The following GALNTL6 variants were observed in gnomAD, a reference collection of about 807,000 sequenced individuals.
GALNTL6 encodes polypeptide N-acetylgalactosaminyltransferase like 6.
Under a neutral mutation model 73.7 loss-of-function variants are expected in GALNTL6, and 46 were observed. The ratio of observed to expected loss-of-function variants is 0.62; its 90% confidence interval spans 0.49 to 0.80. The LOEUF (loss-of-function observed/expected upper bound fraction) is 0.80. Among genes scored for constraint, GALNTL6 ranks in the 30% least tolerant of loss-of-function variants. The pLI, the probability that GALNTL6 is intolerant of heterozygous loss-of-function variation, is 0.00. For synonymous variants in GALNTL6, 259 were observed against 263.7 expected, an observed-to-expected ratio of 0.98 and a Z score of 0.17; for missense variants, 604 against 755.0, an observed-to-expected ratio of 0.80 and a Z score of 2.34.
At chr4:172,404,409 C>T (rs1160033993) in intron 5 of GALNTL6, among the ~76,000 whole-genome samples, 1 of 152,090 alleles carries the variant, frequency 6.6e-6, no homozygotes, top group Non-Finnish European at 1.5e-5. Context: ...AGAGCTTATA[C>T]TCTGCTTTAA....
At chr4:172,614,339 C>T (rs142863618) in intron 5 of GALNTL6, among the ~76,000 whole-genome samples, 60 of 152,236 alleles carry the variant, frequency 3.9e-4, no homozygotes, top group East Asian at 2.7e-3. Context: ...AGGATCCAAA[C>T]GTGCATCTGC....
chr4:172,574,029 A>G (rs1429823886), intron 5 of GALNTL6, among the ~76,000 whole-genome samples: 1 of 152,122 alleles, frequency 6.6e-6, no homozygotes, highest in Non-Finnish European at 1.5e-5. Flanking sequence ...GCAGAATTTT[A>G]CAACCCTAAC....
intron 5 of GALNTL6, among the ~76,000 whole-genome samples, chr4:172,692,303 C>A (rs1018596307): frequency 6.6e-6 from 1 of 151,916 alleles, no homozygotes; most frequent in Non-Finnish European, 1.5e-5. Flanking sequence ...ACTATCTCTG[C>A]AATTAAATAT....
chr4:172,064,248 G>A (rs774139848), intron 2 of GALNTL6, among the ~76,000 whole-genome samples: 3 of 152,002 alleles, frequency 2.0e-5, no homozygotes, highest in Non-Finnish European at 2.9e-5. Flanking sequence ...TTGTTTTTCT[G>A]TTTGTTTTTC....
At chr4:172,824,169 G>A (rs146592223) in intron 7 of GALNTL6, among the ~76,000 whole-genome samples, 1 of 152,292 alleles carries the variant, frequency 6.6e-6, no homozygotes, top group Non-Finnish European at 1.5e-5. Flanking sequence ...AGCCTTACAT[G>A]TGGTGTGCCG....
intron 2 of GALNTL6, among the ~76,000 whole-genome samples, chr4:172,201,270 G>A (rs1298036781): frequency 1.3e-5 from 2 of 151,580 alleles, no homozygotes; most frequent in Non-Finnish European, 2.9e-5. Flanking sequence ...TCAGTGGCAC[G>A]ATCTTGGCTC....
intron 2 of GALNTL6, among the ~76,000 whole-genome samples, chr4:172,044,617 G>A (rs1742170525): frequency 6.6e-6 from 1 of 151,954 alleles, no homozygotes; most frequent in South Asian, 2.1e-4. Context: ...ATATATGCCT[G>A]TAAATGCTGA....
chr4:172,734,587 G>C (rs1345170017), intron 5 of GALNTL6, among the ~76,000 whole-genome samples: 1 of 152,180 alleles, frequency 6.6e-6, no homozygotes, highest in African/African-American at 2.4e-5. Flanking sequence ...TGCCGCAAGA[G>C]GTGGGTTTTT....
intron 5 of GALNTL6, among the ~76,000 whole-genome samples, chr4:172,525,106 G>C (rs996876273): frequency 6.6e-6 from 1 of 152,044 alleles, no homozygotes; most frequent in Non-Finnish European, 1.5e-5. Flanking sequence ...ATTATATTTT[G>C]TTGTTATATT....
intron 5 of GALNTL6, among the ~76,000 whole-genome samples, chr4:172,776,407 T>G (rs1395698779): frequency 6.6e-6 from 1 of 152,178 alleles, no homozygotes. Context: ...TTCTAATATT[T>G]GTAGCTTAAA....
chr4:172,018,757 A>G (rs991001469), intron 2 of GALNTL6, among the ~76,000 whole-genome samples: 1 of 152,136 alleles, frequency 6.6e-6, no homozygotes. Context: ...AGGCAGGTTC[A>G]TGCCCAATCA....
At chr4:172,294,518 G>T (rs6839113) in intron 3 of GALNTL6, among the ~76,000 whole-genome samples, 23,861 of 152,030 alleles carry the variant, frequency 0.16, 2,048 homozygotes, top group Non-Finnish European at 0.19. Flanking sequence ...ACTTTGTGAG[G>T]AATGCAATGC....
At chr4:171,849,636 G>C (rs1253121391) in intron 2 of GALNTL6, among the ~76,000 whole-genome samples, 1 of 152,022 alleles carries the variant, frequency 6.6e-6, no homozygotes, top group Non-Finnish European at 1.5e-5. Flanking sequence ...AATTTACATT[G>C]AGAAATTAAA....
intron 7 of GALNTL6, among the ~76,000 whole-genome samples, chr4:172,824,283 T>C (rs1239240109): frequency 6.6e-6 from 1 of 152,060 alleles, no homozygotes; most frequent in African/African-American, 2.4e-5. Context: ...TAGTCCTGAA[T>C]TACTCTGTTA....
At chr4:172,533,159 A>T (rs1735224425) in intron 5 of GALNTL6, among the ~76,000 whole-genome samples, 1 of 151,376 alleles carries the variant, frequency 6.6e-6, no homozygotes, top group African/African-American at 2.4e-5. Context: ...TTACAGGCAC[A>T]CACCACCATG....
At chr4:172,323,068 G>A (rs560515126) in intron 4 of GALNTL6, among the ~76,000 whole-genome samples, 15 of 152,234 alleles carry the variant, frequency 9.9e-5, no homozygotes, top group Non-Finnish European at 2.2e-4. Flanking sequence ...GCACATGGCT[G>A]CAGGAACACA....
chr4:171,899,323 T>C (rs980074867), intron 2 of GALNTL6, among the ~76,000 whole-genome samples: 2 of 152,104 alleles, frequency 1.3e-5, no homozygotes, highest in South Asian at 4.1e-4. Flanking sequence ...AGTATTTCAG[T>C]CTTCCTGTTA....
intron 5 of GALNTL6, among the ~76,000 whole-genome samples, chr4:172,753,581 A>G (rs1737557877): frequency 6.6e-6 from 1 of 152,184 alleles, no homozygotes; most frequent in Non-Finnish European, 1.5e-5. Context: ...ATTTTTTAAA[A>G]CCATTCGTTT....
At chr4:172,724,976 C>T (rs1735711421) in intron 5 of GALNTL6, among the ~76,000 whole-genome samples, 1 of 151,994 alleles carries the variant, frequency 6.6e-6, no homozygotes, top group Admixed American at 6.6e-5. Context: ...TGATTTCACA[C>T]AATTTTTCAC....
Sources: allele counts gnomAD v4.1 joint callset (sites outside exome capture counted in the v4.1 genomes callset), GRCh38; gene constraint gnomAD v4.1.1; transcripts MANE v1.5; gene names NCBI Gene and HGNC (gene_info 2026-07-23, HGNC 2026-07-21).